Variants in TNKS2 observed in about 807,000 individuals in gnomAD.
The protein encoded by TNKS2 is tankyrase 2.
A neutral mutation model predicts 137.6 loss-of-function variants in TNKS2; 72 were observed. The ratio of observed to expected loss-of-function variants is 0.52; its 90% CI spans 0.43 to 0.64. The LOEUF is 0.64. Ranked by LOEUF, TNKS2 falls within the 30% of genes least tolerant of loss-of-function variation. TNKS2 has a pLI of 0.00. For synonymous variants in TNKS2, 516 were observed against 512.1 expected (o/e 1.01, Z -0.10); for missense variants, 1,049 against 1,410.2 (o/e 0.74, Z 4.10).
chr10:91,850,459 C>G (rs1246385509), intron 20 of TNKS2, among the ~76,000 whole-genome samples: 2 of 151,684 alleles, frequency 1.3e-5, no homozygotes, highest in East Asian at 3.9e-4. Context: ...TGGCTCATGC[C>G]TGTAATCCCA....
chr10:91,846,069 A>C, intron 18 of TNKS2, 129 bp downstream of exon 18: 1 of 574,800 alleles, frequency 1.7e-6, no homozygotes, highest in Non-Finnish European at 2.8e-6. Flanking sequence ...ATTTTAATGT[A>C]AGAGTTCTTT....
chr10:91,802,222 G>C (rs1277617351), intron 1 of TNKS2, among the ~76,000 whole-genome samples: 2 of 152,132 alleles, frequency 1.3e-5, no homozygotes, highest in African/African-American at 4.8e-5. Flanking sequence ...TATAAGAGGG[G>C]ATTTTTTTAT....
At chr10:91,846,717 T>C (rs964389845) in intron 18 of TNKS2, among the ~76,000 whole-genome samples, 9 of 132,922 alleles carry the variant, frequency 6.8e-5, no homozygotes, top group Admixed American at 4.8e-4. Context: ...GTAGTTCAGC[T>C]GCATTGGTGC....
chr10:91,841,476 G>A, intron 15 of TNKS2, 28 bp downstream of exon 15: 6 of 1,541,634 alleles, frequency 3.9e-6, no homozygotes, highest in Non-Finnish European at 5.3e-6. Flanking sequence ...ACTGTAAAGA[G>A]TATGAATTAC....
In TNKS2 at chr10:91,840,577, A is replaced by G. The variant is rs1051623099; in HGVS notation, c.1544A>G (p.Gln515Arg). 1 of 1,614,058 alleles carries G rather than the reference A, an allele frequency of 6.2e-7. No homozygotes were observed. The highest frequency in any genetic ancestry group is 8.5e-7 in the Non-Finnish European group (1 of 1,179,960). ...VETVKKLCTVQSVNCRDIEGR... is the reference protein window; with the variant it reads ...VETVKKLCTVRSVNCRDIEGR... ...GTCCTTCAGAAACTGTGTACTGTTC[A>G]GAGTGTCAACTGCAGAGACATTGAA... Residue 515 changes from glutamine to arginine, a missense_variant, in exon 14 of 27, where the codon CAG becomes CGG. Around this residue, in one of 6 missense-constraint regions of TNKS2, gnomAD observed 328 missense variants for 436.0 expected, o/e 0.75. Coordinates refer to ENST00000371627, the MANE Select transcript of TNKS2 (RefSeq NM_025235.4).
At chr10:91,835,592 CTTTTTTTTT>C (rs35247985) in intron 12 of TNKS2, among the ~76,000 whole-genome samples, 1 of 109,428 alleles carries the variant, frequency 9.1e-6, no homozygotes, top group African/African-American at 3.5e-5. Flanking sequence ...CCCGGCCTTT[CTTTTTTTTT>C]TTTTTTTTTT....
Position 91,864,138 on chromosome 10 carries a change from C to T in TNKS2, c.*1139C>T, listed in dbSNP as rs1842919942. 6.6e-6 allele frequency: 1 copy of T among 152,520 alleles called. No homozygotes were observed. The allele number at this position is 152,520 out of a possible 1,614,324, so 9.4% of individuals were successfully genotyped here. On this transcript the variant is annotated 3_prime_UTR_variant, in exon 27 of 27. Transcript: ENST00000371627. ...CTATAAAATGTAGTTGTCTCAGTCC[C>T]CTCCAGGCCTCCTGAATGGGCAAGT...
At chr10:91,807,918 CCCGGGA>C (rs1242676103) in intron 1 of TNKS2, among the ~76,000 whole-genome samples, 76 of 150,984 alleles carry the variant, frequency 5.0e-4, no homozygotes, top group African/African-American at 1.8e-3. Context: ...ATGGCATGAA[CCCGGGA>C]GGCAGAGCTT....
In TNKS2 at chr10:91,821,615, C is replaced by T. The variant is rs114428849; in HGVS notation, c.729-681C>T. On this transcript the variant is annotated intron_variant, in intron 6 of 26. Transcript: ENST00000371627. Reference sequence around the variant, plus strand: ...AGAAGTCAAGATTTTAAAGTTTCACCGTATCTTCCCATAGAGAAAGTTCTT... The same window carrying T: ...AGAAGTCAAGATTTTAAAGTTTCACTGTATCTTCCCATAGAGAAAGTTCTT... Among the ~76,000 whole-genome samples, 250 of 152,188 alleles carry T rather than the reference C, an allele frequency of 1.6e-3. 1 individual carries two copies. Among genetic ancestry groups the T allele is most frequent in the African/African-American group, 5.6e-3 (232 of 41,518 alleles).
chr10:91,838,039 T>G (rs1347070478), intron 13 of TNKS2, among the ~76,000 whole-genome samples: 29 of 142,102 alleles, frequency 2.0e-4, no homozygotes, highest in African/African-American at 7.7e-4. Flanking sequence ...TTAGCTGATT[T>G]TTTTTTTTTT....
chr10:91,830,109 T>G (rs1173826468), intron 9 of TNKS2, among the ~76,000 whole-genome samples: 2 of 152,222 alleles, frequency 1.3e-5, no homozygotes, highest in African/African-American at 2.4e-5. Flanking sequence ...TGCATGCTCC[T>G]TATTCTGCCG....
chr10:91,846,745 A>T (rs2133662601), intron 18 of TNKS2, among the ~76,000 whole-genome samples: 1 of 152,352 alleles, frequency 6.6e-6, no homozygotes, highest in East Asian at 1.9e-4. Flanking sequence ...GGTTTTTCTC[A>T]GTCAGCTAAC....
At position 91,848,487 on chromosome 10, in the gene TNKS2, T is replaced by C; in HGVS notation, c.2463T>C (p.Thr821=). The change falls in exon 19 of 27, where the codon ACT becomes ACC. Residue 821 remains threonine (T), a synonymous_variant. Transcript: ENST00000371627. The part of the protein sequence containing the change: ...VLNGVRSPGA[T]ADALSSGPSS... ...ATGGTGTGAGAAGCCCAGGAGCCAC[T>C]GCAGATGCTCTCTCTTCAGGTCCAT... 1 of 1,614,160 alleles carries C rather than the reference T, an allele frequency of 6.2e-7. No individual in the cohort carries two copies. Among genetic ancestry groups the C allele is most frequent in the South Asian group, 1.1e-5 (1 of 91,086 alleles).
chr10:91,803,489 A>G (rs1227021403), intron 1 of TNKS2, among the ~76,000 whole-genome samples: 1 of 152,210 alleles, frequency 6.6e-6, no homozygotes, highest in African/African-American at 2.4e-5. Context: ...AAAAAAATAG[A>G]AAAAGTAGCC....
At chr10:91,854,935 A>T in intron 21 of TNKS2, 94 bp from the exon 22 acceptor site, 4 of 583,138 alleles carry the variant, frequency 6.9e-6, no homozygotes, top group African/African-American at 2.0e-5. Flanking sequence ...AAAAATTGGT[A>T]GTAAGAATCA....
chr10:91,818,587 A>G (rs1198841464), intron 3 of TNKS2, among the ~76,000 whole-genome samples: 1 of 152,132 alleles, frequency 6.6e-6, no homozygotes, highest in Non-Finnish European at 1.5e-5. Context: ...GCTGGAGTGC[A>G]GTGGCACAGT....
intron 14 of TNKS2, 56 bp downstream of exon 14, chr10:91,840,762 G>A: frequency 9.5e-6 from 14 of 1,466,936 alleles, no homozygotes; most frequent in South Asian, 6.9e-5. Context: ...GACCTTTTTA[G>A]GAAAACCTGG....
intron 20 of TNKS2, among the ~76,000 whole-genome samples, chr10:91,850,061 A>G (rs1044290212): frequency 3.3e-5 from 5 of 152,164 alleles, no homozygotes; most frequent in Non-Finnish European, 7.3e-5. Flanking sequence ...CATTGTAGTT[A>G]TGGAATTAGA....
chr10:91,842,101 G>A, intron 15 of TNKS2, 71 bp from the exon 16 acceptor site: 1 of 1,049,232 alleles, frequency 9.5e-7, no homozygotes, highest in Admixed American at 2.2e-5. Context: ...AGTTAACACT[G>A]ACTATTTTCT....
Sources: allele counts gnomAD v4.1 joint callset (sites outside exome capture counted in the v4.1 genomes callset), GRCh38; gene constraint gnomAD v4.1.1; regional missense constraint gnomAD v4.1.1; transcripts MANE v1.5; gene names NCBI Gene and HGNC (gene_info 2026-07-23, HGNC 2026-07-21).